Variants in CAST observed in about 807,000 individuals in gnomAD.
CAST encodes calpastatin.
A neutral mutation model predicts 119.6 loss-of-function variants in CAST; 76 were observed. The observed-to-expected ratio is 0.64, with a 90% CI of 0.53 to 0.77. The LOEUF is 0.77. Among genes scored for constraint, CAST ranks in the 30% least tolerant of loss-of-function variants. The probability of loss-of-function intolerance (pLI) is 0.00; values close to 1 mark genes in which losing one functional copy is unlikely to be tolerated. For missense variants in CAST, 953 were observed against 946.5 expected, an observed-to-expected ratio of 1.01 and a Z score of -0.09; for synonymous variants, 319 against 331.6, an observed-to-expected ratio of 0.96 and a Z score of 0.41.
chr5:96,480,239 T>C, the CAST span, among the ~76,000 whole-genome samples: 36,711 of 151,874 alleles, frequency 0.24, 4,856 homozygotes, highest in East Asian at 0.48. Context: ...GGCAGGGAAA[T>C]TTGGTGTTCA....
At chr5:96,225,720 GAAAC>G in the CAST span, among the ~76,000 whole-genome samples, 2 of 152,070 alleles carry the variant, frequency 1.3e-5, no homozygotes, top group African/African-American at 4.8e-5. Flanking sequence ...AGATCTAACA[GAAAC>G]AGAGGTAAAA....
At chr5:96,104,127 G>T in the CAST span, among the ~76,000 whole-genome samples, 2 of 152,138 alleles carry the variant, frequency 1.3e-5, no homozygotes, top group Non-Finnish European at 2.9e-5. Context: ...GTAGATTCTG[G>T]ATATTAACCC....
At chr5:96,249,424 A>G in the CAST span, among the ~76,000 whole-genome samples, 1 of 152,232 alleles carries the variant, frequency 6.6e-6, no homozygotes, top group East Asian at 1.9e-4. Context: ...GGCAAAGGAC[A>G]TAATAATACT....
chr5:96,035,073 A>ATATATATATATATTTAAG, the CAST span, among the ~76,000 whole-genome samples: 32 of 130,784 alleles, frequency 2.4e-4, no homozygotes, highest in Middle Eastern at 3.8e-3. Flanking sequence ...ATTTAAGTAT[A>ATATATATATATATTTAAG]TATATATATA....
At chr5:96,217,887 A>T in the CAST span, among the ~76,000 whole-genome samples, 1 of 152,192 alleles carries the variant, frequency 6.6e-6, no homozygotes, top group Admixed American at 6.5e-5. Flanking sequence ...GACATTGGTT[A>T]CGAGGGTCTG....
the CAST span, among the ~76,000 whole-genome samples, chr5:96,310,869 A>T: frequency 6.6e-6 from 1 of 151,198 alleles, no homozygotes; most frequent in Non-Finnish European, 1.5e-5. Flanking sequence ...CAAAAAAAAA[A>T]AAGCCCCAAC....
chr5:96,157,373 A>G, the CAST span, among the ~76,000 whole-genome samples: 2 of 152,274 alleles, frequency 1.3e-5, no homozygotes, highest in Admixed American at 1.3e-4. Context: ...CAAATCTTCC[A>G]AAAGGATGTT....
At chr5:96,372,863 G>A in the CAST span, among the ~76,000 whole-genome samples, 1 of 152,086 alleles carries the variant, frequency 6.6e-6, no homozygotes, top group Non-Finnish European at 1.5e-5. Context: ...TCATCATCTA[G>A]GAAGATTGGC....
At chr5:96,701,528 G>A (rs1459586670) in intron 3 of CAST, among the ~76,000 whole-genome samples, 4 of 152,130 alleles carry the variant, frequency 2.6e-5, no homozygotes, top group African/African-American at 4.8e-5. Flanking sequence ...TTCTAAGTCC[G>A]GGTGCATGGC....
At chr5:96,128,118 C>T in the CAST span, among the ~76,000 whole-genome samples, 1 of 152,040 alleles carries the variant, frequency 6.6e-6, no homozygotes, top group Non-Finnish European at 1.5e-5. Flanking sequence ...CTGACATAAA[C>T]CTTTCTCATC....
At chr5:96,412,238 G>T in the CAST span, 2 of 1,186,882 alleles carry the variant, frequency 1.7e-6, no homozygotes, top group Non-Finnish European at 2.5e-6. Flanking sequence ...GTTATTCCAT[G>T]TAACCTAAGT....
Position 96,722,616 on chromosome 5 carries a change from C to A in CAST, c.211-23C>A, listed in dbSNP as rs1427771151. ...TGTAGGTTAAATAGAATCGAACTTT[C>A]TATTTCTTTCTTTCCTTTCTAGGTG... On this transcript the variant is annotated intron_variant, in intron 3 of 31. Transcript: ENST00000675179. The A allele has an allele frequency of 1.9e-6, 3 of 1,584,886 alleles. No homozygotes were observed. The East Asian group carries it at 6.7e-5, about 35-fold the overall frequency.
chr5:96,147,147 A>G, the CAST span, among the ~76,000 whole-genome samples: 1 of 152,228 alleles, frequency 6.6e-6, no homozygotes, highest in Non-Finnish European at 1.5e-5. Context: ...AGGTACACTT[A>G]TAATTATTCC....
At chr5:96,483,392 G>A in the CAST span, among the ~76,000 whole-genome samples, 2 of 152,080 alleles carry the variant, frequency 1.3e-5, no homozygotes, top group African/African-American at 4.8e-5. Flanking sequence ...GCCTAACACT[G>A]CACTTTGTAC....
chr5:96,534,939 AAG>A (rs1234105125), intron 1 of CAST, among the ~76,000 whole-genome samples: 7 of 75,018 alleles, frequency 9.3e-5, no homozygotes, highest in African/African-American at 2.6e-4. Context: ...GAAAGAAAGA[AAG>A]AGAAAGGGAA....
At chr5:96,254,924 T>G in the CAST span, among the ~76,000 whole-genome samples, 1 of 152,188 alleles carries the variant, frequency 6.6e-6, no homozygotes, top group Non-Finnish European at 1.5e-5. Flanking sequence ...CTCACTTTTA[T>G]TCTCCTTTGT....
intron 1 of CAST, among the ~76,000 whole-genome samples, chr5:96,535,614 C>T (rs1745795957): frequency 6.8e-6 from 1 of 146,096 alleles, no homozygotes; most frequent in African/African-American, 2.5e-5. Flanking sequence ...CGCTCTGTCG[C>T]CCAGGCTGGA....
At chr5:96,347,573 A>G in the CAST span, among the ~76,000 whole-genome samples, 4 of 152,060 alleles carry the variant, frequency 2.6e-5, no homozygotes, top group African/African-American at 7.2e-5. Flanking sequence ...GTCCTCAGTT[A>G]TTATACAGAA....
the CAST span, among the ~76,000 whole-genome samples, chr5:96,262,630 T>C: frequency 1.2e-4 from 18 of 152,066 alleles, no homozygotes; most frequent in East Asian, 1.7e-3. Flanking sequence ...CCCGGGTTCA[T>C]GCCATTCTCC....
Sources: gnomAD v4.1 joint callset for allele counts (sites outside exome capture counted in the v4.1 genomes callset) on GRCh38, gnomAD v4.1.1 for gene constraint, MANE v1.5 for transcripts, NCBI Gene and HGNC (gene_info 2026-07-23, HGNC 2026-07-21) for gene names.